The following LONP2 variants were observed in gnomAD, a reference collection of about 807,000 sequenced individuals.
LONP2 encodes lon protease homolog 2, peroxisomal.
LONP2 carries 60 observed loss-of-function variants against 85.6 expected under a neutral mutation model. The ratio of observed to expected loss-of-function variants is 0.70; its 90% CI spans 0.57 to 0.87. The LOEUF is 0.87. Among genes scored for constraint, LONP2 ranks in the 40% least tolerant of loss-of-function variants. The pLI is 0.00. For missense variants in LONP2, 860 were observed against 1,063.5 expected (o/e 0.81, Z 2.66); for synonymous variants, 395 against 389.7 (o/e 1.01, Z -0.16).
At chr16:48,313,704 A>G (rs948980270) in intron 11 of LONP2, among the ~76,000 whole-genome samples, 1 of 152,214 alleles carries the variant, frequency 6.6e-6, no homozygotes, top group African/African-American at 2.4e-5. Flanking sequence ...TACATGTACC[A>G]CATTTTCTTT....
chr16:48,293,621 G>T (rs1429131457), intron 8 of LONP2, among the ~76,000 whole-genome samples: 1 of 152,080 alleles, frequency 6.6e-6, no homozygotes, highest in African/African-American at 2.4e-5. Flanking sequence ...GAAGAATTGG[G>T]GTTACGGGGG....
intron 11 of LONP2, among the ~76,000 whole-genome samples, chr16:48,328,285 C>A (rs1274275170): frequency 6.6e-6 from 1 of 151,964 alleles, no homozygotes; most frequent in Non-Finnish European, 1.5e-5. Flanking sequence ...GTGGTTCACA[C>A]CTGTAATCCC....
At chr16:48,274,138 GT>G (rs1972157811) in intron 7 of LONP2, among the ~76,000 whole-genome samples, 1 of 152,114 alleles carries the variant, frequency 6.6e-6, no homozygotes, top group East Asian at 1.9e-4. Flanking sequence ...CAAAACTTAG[GT>G]TTATTTTAAG....
chr16:48,277,362 T>C lies in LONP2; in HGVS notation c.1266T>C (p.Pro422=), dbSNP rs750598249. The C allele has an allele frequency of 6.2e-7, 1 of 1,613,596 alleles. No homozygotes were observed. Among genetic ancestry groups the C allele is most frequent in the Non-Finnish European group, 8.5e-7 (1 of 1,179,748 alleles). The change falls in exon 8 of 15, where the codon CCT becomes CCC. Residue 422 remains proline (P), a synonymous_variant. Transcript: ENST00000285737. ...GHRRTYVGSM[P]GRIINGLKTV... is the part of the protein sequence containing the mutation. ...GGCGCACCTATGTTGGCAGCATGCC[T>C]GGTCGCATCATCAACGGCTTGAAGA...
chr16:48,305,211 A>G (rs1395662590), intron 11 of LONP2, among the ~76,000 whole-genome samples: 1 of 152,084 alleles, frequency 6.6e-6, no homozygotes, highest in Non-Finnish European at 1.5e-5. Flanking sequence ...TTCTAATTGT[A>G]TTTTATCCAG....
chr16:48,252,233 G>T lies in LONP2; in HGVS notation c.336G>T (p.Gln112His), dbSNP rs1360559853. The T allele has an allele frequency of 6.2e-7, 1 of 1,614,188 alleles. No individual in the cohort carries two copies. The highest frequency in any genetic ancestry group is 1.1e-5 in the South Asian group (1 of 91,080). ...ITGLCRFQIV[Q>H]VLKEKPYPIA... The stretch of plus-strand genomic sequence containing the variant: ...GCCTATGCCGTTTCCAGATTGTACA[G>T]GTCTTAAAAGAGAAGCCATATCCCA... The change falls in exon 2 of 15, where the codon CAG (glutamine) becomes CAT (histidine). Residue 112 changes from glutamine to histidine, a missense_variant. This residue lies in a region of LONP2 where 743 missense variants were observed against 917.3 expected (regional missense o/e 0.81). Transcript: ENST00000285737.
intron 11 of LONP2, among the ~76,000 whole-genome samples, chr16:48,330,763 A>G (rs937227848): frequency 6.6e-6 from 1 of 152,184 alleles, no homozygotes; most frequent in Non-Finnish European, 1.5e-5. Context: ...TTTTCTAGGC[A>G]TATATTCTAA....
At chr16:48,339,148 TAG>T (rs1959742995) in intron 12 of LONP2, among the ~76,000 whole-genome samples, 1 of 151,950 alleles carries the variant, frequency 6.6e-6, no homozygotes, top group Non-Finnish European at 1.5e-5. Context: ...AGGGATCATA[TAG>T]AGAGAAGAGG....
At position 48,351,907 on chromosome 16, in the gene LONP2, TATAAAC is replaced by T; in HGVS notation, c.*110_*115del. 1.2e-6 allele frequency: 1 copy of T among 800,756 alleles called. No individual in the cohort carries two copies. The highest frequency in any genetic ancestry group is 2.0e-6 in the Non-Finnish European group (1 of 500,052). 49.6% of individuals were successfully genotyped at this position (800,756 alleles called of 1,614,324 possible). ...AGGGGTATGCAAGATGTCCCTGTTT[TATAAAC>T]ATAATCACAACAGTAATAAACCTCA... On this transcript the variant is annotated 3_prime_UTR_variant, in exon 15 of 15. Transcript: ENST00000285737.
At chr16:48,312,946 T>A (rs1437442360) in intron 11 of LONP2, among the ~76,000 whole-genome samples, 4 of 152,224 alleles carry the variant, frequency 2.6e-5, no homozygotes, top group African/African-American at 9.6e-5. Context: ...CCAGGCAGGC[T>A]GGACCAGCCA....
At chr16:48,326,687 C>T (rs893690484) in intron 11 of LONP2, among the ~76,000 whole-genome samples, 1 of 152,130 alleles carries the variant, frequency 6.6e-6, no homozygotes, top group African/African-American at 2.4e-5. Context: ...CCGAGAACTA[C>T]CATTTTGCTT....
At chr16:48,359,805 G>A (rs1308388823), downstream of LONP2, among the ~76,000 whole-genome samples, 1 of 152,050 alleles carries the variant, frequency 6.6e-6, no homozygotes, top group Non-Finnish European at 1.5e-5. Context: ...TTCTGAAAAT[G>A]GATAACAGAA....
At chr16:48,283,272 T>C (rs1257853081) in intron 8 of LONP2, among the ~76,000 whole-genome samples, 1 of 152,244 alleles carries the variant, frequency 6.6e-6, no homozygotes, top group African/African-American at 2.4e-5. Flanking sequence ...CCAGAACATC[T>C]AGCTAACATC....
chr16:48,247,056 T>C (rs1391578033), intron 1 of LONP2, among the ~76,000 whole-genome samples: 1 of 152,308 alleles, frequency 6.6e-6, no homozygotes, highest in African/African-American at 2.4e-5. Context: ...TTGAAAAGTC[T>C]TCATAGAAGT....
chr16:48,269,184 A>G (rs1043313336), intron 6 of LONP2, among the ~76,000 whole-genome samples: 5 of 151,154 alleles, frequency 3.3e-5, no homozygotes, highest in African/African-American at 9.7e-5. Flanking sequence ...CAATTAGGCA[A>G]TTCTTTACAT....
chr16:48,322,469 C>T (rs1480967918), intron 11 of LONP2, among the ~76,000 whole-genome samples: 1 of 152,186 alleles, frequency 6.6e-6, no homozygotes, highest in Admixed American at 6.5e-5. Flanking sequence ...TCTTCAGAGG[C>T]AGTAACATGC....
chr16:48,280,817 T>C (rs1325730286), intron 8 of LONP2, among the ~76,000 whole-genome samples: 1 of 152,214 alleles, frequency 6.6e-6, no homozygotes, highest in East Asian at 1.9e-4. Context: ...GTTGAAACAA[T>C]TAAATAACAG....
intron 11 of LONP2, among the ~76,000 whole-genome samples, chr16:48,325,474 A>G (rs1973351357): frequency 6.6e-6 from 1 of 152,174 alleles, no homozygotes; most frequent in Non-Finnish European, 1.5e-5. Flanking sequence ...TGTAAGATCA[A>G]CTTCTTTAGA....
chr16:48,333,503 T>G (rs1366954761), intron 11 of LONP2, among the ~76,000 whole-genome samples: 1 of 152,138 alleles, frequency 6.6e-6, no homozygotes, highest in East Asian at 1.9e-4. Context: ...CATTGCCCGT[T>G]AGAAAACAGG....
Sources: allele counts gnomAD v4.1 joint callset (sites outside exome capture counted in the v4.1 genomes callset), GRCh38; gene constraint gnomAD v4.1.1; regional missense constraint gnomAD v4.1.1; transcripts MANE v1.5; gene names NCBI Gene and HGNC (gene_info 2026-07-23, HGNC 2026-07-21).